Variants in DCHS2 observed in about 807,000 individuals in gnomAD.
DCHS2 encodes dachsous cadherin-related 2, also known as protocadherin-23.
Under a neutral mutation model 182.4 loss-of-function variants are expected in DCHS2, and 142 were observed. That is an observed-to-expected ratio of 0.78 (90% CI 0.68 to 0.89). The LOEUF is 0.89. Among genes scored for constraint, DCHS2 ranks in the 40% least tolerant of loss-of-function variants. DCHS2 has a pLI of 0.00. For missense variants in DCHS2, 4,319 were observed against 4,198.6 expected (o/e 1.03, Z -0.79); for synonymous variants, 1,740 against 1,663.3 (o/e 1.05, Z -1.12).
intron 19 of DCHS2, among the ~76,000 whole-genome samples, chr4:154,238,744 AT>A (rs892413462): frequency 2.6e-5 from 4 of 152,034 alleles, no homozygotes; most frequent in South Asian, 2.1e-4. Flanking sequence ...GCTATTACTG[AT>A]TTTTTTTAAC....
intron 1 of DCHS2, among the ~76,000 whole-genome samples, chr4:154,451,596 AGATGCTTCCACAT>A (rs1734538332): frequency 6.6e-6 from 1 of 152,152 alleles, no homozygotes; most frequent in South Asian, 2.1e-4. Flanking sequence ...GCCTGTTCAC[AGATGCTTCCACAT>A]GACATGCAGG....
intron 1 of DCHS2, among the ~76,000 whole-genome samples, chr4:154,383,054 C>T (rs1731243342): frequency 6.6e-6 from 1 of 152,166 alleles, no homozygotes; most frequent in South Asian, 2.1e-4. Flanking sequence ...CATCACAGTG[C>T]TATTCACAAT....
At position 154,333,315 on chromosome 4, in the gene DCHS2, C is replaced by A. The variant is rs753217425; in HGVS notation, c.2893G>T (p.Val965Phe). ...GSAPACSSTE[V>F]NITVMDVNDN... ...TTGACATCCATGACTGTTATGTTGA[C>A]CTCGGTGCTGCTGCAGGCTGGGGCG... Residue 965 changes from valine to phenylalanine, a missense_variant, in exon 5 of 20, where the codon GTC becomes TTC. Val to Phe is a conservative substitution (Grantham distance 50, BLOSUM62 -1). Coordinates refer to ENST00000357232, the MANE Select transcript of DCHS2 (RefSeq NM_001358235.2). 27 of 1,613,918 alleles carry A rather than the reference C, an allele frequency of 1.7e-5. No individual in the cohort carries two copies. The highest frequency in any genetic ancestry group is 2.1e-5 in the Non-Finnish European group (25 of 1,180,008).
chr4:154,473,686 G>A (rs35203779), intron 1 of DCHS2, among the ~76,000 whole-genome samples: 27,524 of 152,114 alleles, frequency 0.18, 3,083 homozygotes, highest in Non-Finnish European at 0.26. Flanking sequence ...ATGGGCAGGA[G>A]AAGCGGAAGA....
chr4:154,429,658 T>A (rs1342192485), intron 1 of DCHS2, among the ~76,000 whole-genome samples: 4 of 152,078 alleles, frequency 2.6e-5, no homozygotes, highest in Non-Finnish European at 5.9e-5. Flanking sequence ...TTTAGATCAA[T>A]TTTTTAAAGT....
chr4:154,257,098 A>G (rs1437314852), intron 15 of DCHS2, among the ~76,000 whole-genome samples: 2 of 152,138 alleles, frequency 1.3e-5, no homozygotes, highest in East Asian at 3.9e-4. Context: ...AAATACAAAA[A>G]TTAGCTGGGC....
chr4:154,338,774 T>G (rs939884604), intron 3 of DCHS2, among the ~76,000 whole-genome samples: 2 of 152,190 alleles, frequency 1.3e-5, no homozygotes, highest in Non-Finnish European at 2.9e-5. Flanking sequence ...TATACATGTT[T>G]TCATCTAGAA....
intron 1 of DCHS2, among the ~76,000 whole-genome samples, chr4:154,415,717 G>A (rs1470299633): frequency 6.6e-6 from 1 of 152,112 alleles, no homozygotes; most frequent in Admixed American, 6.6e-5. Flanking sequence ...GGAGGAAACC[G>A]AGGTCGGTGA....
intron 12 of DCHS2, among the ~76,000 whole-genome samples, chr4:154,300,893 G>A (rs1027121674): frequency 6.6e-6 from 1 of 152,160 alleles, no homozygotes; most frequent in African/African-American, 2.4e-5. Flanking sequence ...TAAGTGAAGG[G>A]TGTTTAGACC....
At chr4:154,369,027 T>C (rs1730521989) in intron 2 of DCHS2, among the ~76,000 whole-genome samples, 2 of 152,206 alleles carry the variant, frequency 1.3e-5, no homozygotes, top group Admixed American at 6.5e-5. Flanking sequence ...TGTATATACA[T>C]TTACTGTGCT....
At chr4:154,340,887 T>C (rs115207965) in intron 3 of DCHS2, among the ~76,000 whole-genome samples, 5,523 of 152,260 alleles carry the variant, frequency 0.036, 139 homozygotes, top group Middle Eastern at 0.058. Context: ...CTGTCAGTTA[T>C]AGGTGAGCAG....
intron 3 of DCHS2, chr4:154,354,684 A>G (rs1486414695): frequency 2.6e-5 from 4 of 152,194 alleles, no homozygotes; most frequent in Admixed American, 2.6e-4. Context: ...AAATATCTTC[A>G]TATCATTCCT....
intron 2 of DCHS2, among the ~76,000 whole-genome samples, chr4:154,371,297 A>T (rs1730635879): frequency 6.6e-6 from 1 of 152,116 alleles, no homozygotes; most frequent in South Asian, 2.1e-4. Context: ...AGTAGAAATT[A>T]TTTGGATGCT....
intron 3 of DCHS2, among the ~76,000 whole-genome samples, chr4:154,352,161 T>G (rs1207940696): frequency 1.3e-5 from 2 of 152,298 alleles, no homozygotes; most frequent in East Asian, 3.9e-4. Context: ...TATTATTATC[T>G]GTTTCATTAA....
At position 154,304,706 on chromosome 4, in the gene DCHS2, A is replaced by G. The variant is rs1395368892; in HGVS notation, c.5568T>C (p.Asp1856=). 1 of 1,613,616 alleles carries G rather than the reference A, an allele frequency of 6.2e-7. No homozygotes were observed. The highest frequency in any genetic ancestry group is 8.5e-7 in the Non-Finnish European group (1 of 1,179,768). Residue 1856 remains aspartate (D), a synonymous_variant, in exon 12 of 20, where the codon GAT becomes GAC. Coordinates refer to ENST00000357232, the MANE Select transcript of DCHS2 (RefSeq NM_001358235.2). The part of the protein sequence containing the change: ...VVYTVLASDM[D]AGNNRAVEYH... ...ATTCAACAGCTCTGTTATTGCCAGC[A>G]TCCATATCAGAGGCTAAAACCGTAT...
intron 3 of DCHS2, among the ~76,000 whole-genome samples, chr4:154,336,242 T>C (rs539512666): frequency 1.1e-4 from 17 of 152,326 alleles, no homozygotes; most frequent in Non-Finnish European, 2.1e-4. Context: ...TATTTATGGC[T>C]AAGTTGGGAA....
chr4:154,333,325 G>C lies in DCHS2; in HGVS notation c.2883C>G (p.Ser961Arg). The change falls in exon 5 of 20, where the codon AGC becomes AGG. Residue 961 changes from serine (S) to arginine (R), a missense_variant. Transcript: ENST00000357232. ...TGACTGTTATGTTGACCTCGGTGCT[G>C]CTGCAGGCTGGGGCGCTGCCGAGCT... The part of the protein sequence containing the change: ...QAQLGSAPAC[S>R]STEVNITVMD... 6.2e-7 allele frequency: 1 copy of C among 1,614,178 alleles called. No homozygotes were observed. The highest frequency in any genetic ancestry group is 8.5e-7 in the Non-Finnish European group (1 of 1,180,034).
intron 13 of DCHS2, among the ~76,000 whole-genome samples, chr4:154,271,948 C>G (rs1733621679): frequency 6.6e-6 from 1 of 152,086 alleles, no homozygotes; most frequent in South Asian, 2.1e-4. Flanking sequence ...TTTTCTCTCA[C>G]TTTTGGCCCC....
At chr4:154,486,161 A>G (rs376402654) in intron 1 of DCHS2, among the ~76,000 whole-genome samples, 1 of 152,228 alleles carries the variant, frequency 6.6e-6, no homozygotes, top group African/African-American at 2.4e-5. Flanking sequence ...TTTTGCAGCT[A>G]GAGGTTATCT....
Sources: allele counts gnomAD v4.1 joint callset (sites outside exome capture counted in the v4.1 genomes callset), GRCh38; gene constraint gnomAD v4.1.1; transcripts MANE v1.5; gene names NCBI Gene and HGNC (gene_info 2026-07-23, HGNC 2026-07-21).